The following CLSTN2 variants were observed in gnomAD, a reference collection of about 807,000 sequenced individuals.
CLSTN2 encodes calsyntenin 2.
In CLSTN2, 48 loss-of-function variants were observed where a neutral mutation model predicts 101.2. That is an observed-to-expected ratio of 0.47 (90% CI 0.38 to 0.60). CLSTN2 has a LOEUF of 0.60. CLSTN2 is among the 20% of genes least tolerant of loss of function. The pLI, the probability that CLSTN2 is intolerant of heterozygous loss-of-function variation, is 0.00. For synonymous variants in CLSTN2, 481 were observed against 463.6 expected (o/e 1.04, Z -0.48); for missense variants, 1,160 against 1,238.2 (o/e 0.94, Z 0.95).
chr3:140,317,376 G>A (rs925723535), intron 2 of CLSTN2, among the ~76,000 whole-genome samples: 4 of 152,104 alleles, frequency 2.6e-5, no homozygotes, highest in African/African-American at 9.7e-5. Flanking sequence ...AAAGAAGTAG[G>A]GAGTGAGTCT....
At chr3:140,324,387 C>T (rs926786729) in intron 2 of CLSTN2, among the ~76,000 whole-genome samples, 1 of 152,090 alleles carries the variant, frequency 6.6e-6, no homozygotes, top group Non-Finnish European at 1.5e-5. Flanking sequence ...TGTAAAAATG[C>T]TAATATATAA....
chr3:139,981,658 C>T (rs1428325120), intron 1 of CLSTN2, among the ~76,000 whole-genome samples: 1 of 152,142 alleles, frequency 6.6e-6, no homozygotes, highest in Non-Finnish European at 1.5e-5. Flanking sequence ...AAACTGTGTC[C>T]CTGCATTTGC....
chr3:140,040,138 C>T (rs2007731918), intron 1 of CLSTN2, among the ~76,000 whole-genome samples: 1 of 152,164 alleles, frequency 6.6e-6, no homozygotes, highest in South Asian at 2.1e-4. Context: ...GTCTGATTCT[C>T]CCATGTTTTA....
chr3:140,348,961 G>C (rs574048105), intron 2 of CLSTN2, among the ~76,000 whole-genome samples: 134 of 152,312 alleles, frequency 8.8e-4, no homozygotes, highest in African/African-American at 3.0e-3. Context: ...TGGTTTGCCT[G>C]TGTCCCCACC....
At chr3:140,308,671 T>A (rs1056689028) in intron 2 of CLSTN2, among the ~76,000 whole-genome samples, 1 of 152,240 alleles carries the variant, frequency 6.6e-6, no homozygotes, top group African/African-American at 2.4e-5. Flanking sequence ...CTCAGCCAGC[T>A]GGAGTCTGGA....
chr3:140,329,707 G>T (rs1448378667), intron 2 of CLSTN2, among the ~76,000 whole-genome samples: 1 of 152,182 alleles, frequency 6.6e-6, no homozygotes, highest in Non-Finnish European at 1.5e-5. Context: ...TCTGATCAAT[G>T]GTCTCTCATC....
chr3:140,393,947 A>G (rs569342646), intron 2 of CLSTN2, among the ~76,000 whole-genome samples: 6 of 152,250 alleles, frequency 3.9e-5, no homozygotes, highest in African/African-American at 1.4e-4. Context: ...CCTCTTTGCA[A>G]TCTTCCAACA....
intron 8 of CLSTN2, among the ~76,000 whole-genome samples, chr3:140,487,742 A>T (rs1389202228): frequency 6.6e-6 from 1 of 152,256 alleles, no homozygotes; most frequent in Non-Finnish European, 1.5e-5. Context: ...GCTGCCCTGG[A>T]AGTGGAGAGC....
chr3:140,517,133 G>A (rs72992703), intron 8 of CLSTN2, among the ~76,000 whole-genome samples: 4,399 of 151,994 alleles, frequency 0.029, 209 homozygotes, highest in African/African-American at 0.1. Flanking sequence ...AGACTTTCCA[G>A]TGTATTTTGC....
intron 2 of CLSTN2, among the ~76,000 whole-genome samples, chr3:140,213,944 T>A (rs1401295541): frequency 6.6e-6 from 1 of 152,108 alleles, no homozygotes; most frequent in Admixed American, 6.5e-5. Flanking sequence ...ACAGGCCTTG[T>A]AGGAGGTTGA....
At chr3:140,318,698 G>A (rs747095140) in intron 2 of CLSTN2, among the ~76,000 whole-genome samples, 2 of 152,194 alleles carry the variant, frequency 1.3e-5, no homozygotes, top group Non-Finnish European at 2.9e-5. Context: ...GAAAGGGTCT[G>A]GAAACCTGAG....
chr3:140,160,091 T>C (rs2010021818), intron 1 of CLSTN2, among the ~76,000 whole-genome samples: 1 of 152,114 alleles, frequency 6.6e-6, no homozygotes, highest in Non-Finnish European at 1.5e-5. Context: ...GCAGGATCTA[T>C]ATCCTAAGCC....
At chr3:140,231,588 G>T (rs775956746) in intron 2 of CLSTN2, among the ~76,000 whole-genome samples, 1 of 152,132 alleles carries the variant, frequency 6.6e-6, no homozygotes, top group Non-Finnish European at 1.5e-5. Flanking sequence ...ACTCGATAGA[G>T]GCCTGTATTC....
intron 2 of CLSTN2, among the ~76,000 whole-genome samples, chr3:140,176,845 T>C (rs2010332933): frequency 6.6e-6 from 1 of 152,230 alleles, no homozygotes; most frequent in Non-Finnish European, 1.5e-5. Flanking sequence ...ACAGGAAATT[T>C]AATGAAGGTT....
chr3:140,154,879 C>T (rs373344608), intron 1 of CLSTN2, among the ~76,000 whole-genome samples: 6 of 152,058 alleles, frequency 3.9e-5, no homozygotes, highest in East Asian at 3.9e-4. Flanking sequence ...CTCCTGACCT[C>T]GTGATCCGCC....
At chr3:140,404,018 C>G (rs1471014800) in intron 3 of CLSTN2, among the ~76,000 whole-genome samples, 194 bp downstream of exon 3, 1 of 152,230 alleles carries the variant, frequency 6.6e-6, no homozygotes, top group African/African-American at 2.4e-5. Context: ...ATATTCTACT[C>G]CCTCTTCTTC....
intron 1 of CLSTN2, among the ~76,000 whole-genome samples, chr3:140,156,896 T>C (rs2009963343): frequency 6.6e-6 from 1 of 152,176 alleles, no homozygotes; most frequent in African/African-American, 2.4e-5. Flanking sequence ...TCCTTGCATG[T>C]TTAATCCTGT....
chr3:139,963,495 C>T (rs1460499897), intron 1 of CLSTN2, among the ~76,000 whole-genome samples: 2 of 152,046 alleles, frequency 1.3e-5, no homozygotes, highest in African/African-American at 2.4e-5. Flanking sequence ...TCACACATGA[C>T]CCACCTTGGA....
intron 8 of CLSTN2, among the ~76,000 whole-genome samples, chr3:140,505,400 T>G (rs750041753): frequency 3.3e-5 from 5 of 152,102 alleles, no homozygotes; most frequent in Non-Finnish European, 7.4e-5. Flanking sequence ...CACAGAGCAA[T>G]CAGATACACA....
Sources: gnomAD v4.1 joint callset for allele counts (sites outside exome capture counted in the v4.1 genomes callset) on GRCh38, gnomAD v4.1.1 for gene constraint, MANE v1.5 for transcripts, NCBI Gene and HGNC (gene_info 2026-07-23, HGNC 2026-07-21) for gene names.